The following IFT43 variants were observed in gnomAD, a reference collection of about 807,000 sequenced individuals.
The protein encoded by IFT43 is intraflagellar transport protein 43 homolog.
Under a neutral mutation model 32.3 loss-of-function variants are expected in IFT43, and 33 were observed. The ratio of observed to expected loss-of-function variants is 1.02; its 90% CI spans 0.77 to 1.37. The LOEUF (loss-of-function observed/expected upper bound fraction) is 1.37. IFT43 is among the 40% of genes most tolerant of loss of function. The probability of loss-of-function intolerance (pLI) is 0.00; values close to 1 mark genes in which losing one functional copy is unlikely to be tolerated. For missense variants in IFT43, 274 were observed against 265.9 expected (o/e 1.03, Z -0.21); for synonymous variants, 93 against 98.2 (o/e 0.95, Z 0.31).
intron 2 of IFT43, among the ~76,000 whole-genome samples, chr14:76,020,648 G>A (rs940757827): frequency 2.6e-5 from 4 of 152,274 alleles, no homozygotes; most frequent in Middle Eastern, 3.4e-3. Context: ...GTATCTATGG[G>A]TTCTTTAGTG....
At chr14:76,082,474 G>C in intron 6 of IFT43, 107 bp downstream of exon 6, 1 of 1,200,690 alleles carries the variant, frequency 8.3e-7, no homozygotes, top group Non-Finnish European at 1.2e-6. Flanking sequence ...TTCTGGTGTT[G>C]GGCTCCATCC....
Position 76,076,972 on chromosome 14 carries a change from A to G in IFT43, c.296-5323A>G, listed in dbSNP as rs530064197. Among the ~76,000 whole-genome samples, 125 of 152,056 alleles carry G rather than the reference A, an allele frequency of 8.2e-4. 3 individuals carry two copies. The highest frequency in any genetic ancestry group is 5.8e-3 in the South Asian group (28 of 4,812). ...TTGGGTAGATGTGTTGGGTGTCGGC[A>G]GAGTAGTGATCTAGTATCAAAATGG... On this transcript the variant is annotated intron_variant, in intron 5 of 8. Transcript: ENST00000314067.
At chr14:76,063,421 TA>T (rs1439408302) in intron 5 of IFT43, among the ~76,000 whole-genome samples, 1 of 152,232 alleles carries the variant, frequency 6.6e-6, no homozygotes, top group Non-Finnish European at 1.5e-5. Context: ...ACTTTGCTTC[TA>T]AAATTCCAGC....
intron 2 of IFT43, among the ~76,000 whole-genome samples, chr14:76,009,904 C>T (rs187699454): frequency 6.6e-6 from 1 of 152,256 alleles, no homozygotes; most frequent in East Asian, 1.9e-4. Context: ...CAGCGATTCT[C>T]ATGCCTCAGC....
intron 3 of IFT43, among the ~76,000 whole-genome samples, chr14:76,045,580 C>G (rs1165964143): frequency 6.6e-6 from 1 of 152,194 alleles, no homozygotes; most frequent in African/African-American, 2.4e-5. Context: ...TAGGCACCCC[C>G]AGAGCCAGGA....
chr14:76,080,473 A>G (rs2140096156), intron 5 of IFT43, among the ~76,000 whole-genome samples: 1 of 152,354 alleles, frequency 6.6e-6, no homozygotes, highest in Admixed American at 6.5e-5. Context: ...CAGAGTTGAC[A>G]GGACCCAAAT....
intron 5 of IFT43, among the ~76,000 whole-genome samples, chr14:76,065,579 T>C (rs142085569): frequency 3.1e-4 from 47 of 152,196 alleles, no homozygotes; most frequent in African/African-American, 1.1e-3. Flanking sequence ...TAGAATTTTA[T>C]ATAAATGACA....
At chr14:76,016,374 G>A (rs2036188767) in intron 2 of IFT43, among the ~76,000 whole-genome samples, 1 of 152,026 alleles carries the variant, frequency 6.6e-6, no homozygotes, top group African/African-American at 2.4e-5. Flanking sequence ...GAAATACATG[G>A]ATTTATTCCT....
intron 3 of IFT43, among the ~76,000 whole-genome samples, chr14:76,030,232 C>A (rs1566715954): frequency 7.9e-6 from 1 of 125,902 alleles, no homozygotes; most frequent in Non-Finnish European, 1.9e-5. Context: ...TCCATCATCA[C>A]AGTTTTTTTT....
chr14:76,029,372 G>T (rs1289285394), intron 3 of IFT43, among the ~76,000 whole-genome samples: 1 of 152,110 alleles, frequency 6.6e-6, no homozygotes, highest in Non-Finnish European at 1.5e-5. Context: ...TCCTTTGTCA[G>T]ATGCATAGTT....
chr14:76,006,000 T>A (rs1310728803), intron 2 of IFT43, among the ~76,000 whole-genome samples: 1 of 151,718 alleles, frequency 6.6e-6, no homozygotes, highest in Non-Finnish European at 1.5e-5. Context: ...GAGAAAAGAA[T>A]GAGAGTGATT....
intron 5 of IFT43, among the ~76,000 whole-genome samples, chr14:76,080,601 G>C (rs747922304): frequency 6.6e-6 from 1 of 152,102 alleles, no homozygotes; most frequent in Admixed American, 6.5e-5. Context: ...TTCTGCACCC[G>C]AGGAGAGCCA....
chr14:76,026,296 C>T (rs1049312225), intron 3 of IFT43, among the ~76,000 whole-genome samples: 10 of 152,100 alleles, frequency 6.6e-5, no homozygotes, highest in African/African-American at 9.7e-5. Flanking sequence ...TGGTGGCTCA[C>T]GCCTGTAATC....
At chr14:76,077,590 T>G (rs2037433664) in intron 5 of IFT43, among the ~76,000 whole-genome samples, 1 of 152,158 alleles carries the variant, frequency 6.6e-6, no homozygotes, top group African/African-American at 2.4e-5. Context: ...TACAAGGTAG[T>G]GAGGGCTACC....
chr14:76,048,584 AGGTT>A (rs1427940930), intron 3 of IFT43, among the ~76,000 whole-genome samples: 2 of 152,218 alleles, frequency 1.3e-5, no homozygotes, highest in Non-Finnish European at 2.9e-5. Context: ...TAGATGAAAC[AGGTT>A]GGGCACACAT....
chr14:76,058,151 A>C (rs2037058400), intron 3 of IFT43: 1 of 218,842 alleles, frequency 4.6e-6, no homozygotes, highest in Admixed American at 5.3e-5. Flanking sequence ...ACCATCACTC[A>C]GAAGGTCCTC....
Position 75,986,172 on chromosome 14 carries a change from A to G in IFT43, c.54+332A>G, listed in dbSNP as rs138832013. 5.3e-3 allele frequency: 7,055 copies of G among 1,336,394 alleles called. 166 individuals carry two copies. Among genetic ancestry groups the G allele is most frequent in the African/African-American group, 0.051 (3,486 of 67,786 alleles). 82.8% of individuals were successfully genotyped at this position (1,336,394 alleles called of 1,614,324 possible). ...CAGAACAGATCGATCACAGGGTGAT[A>G]GGGGAGCCCCGGCCGGGGTCGCACT... On this transcript the variant is annotated intron_variant, in intron 1 of 8. Transcript: ENST00000314067.
chr14:75,994,151 T>TA (rs746274501), intron 2 of IFT43, among the ~76,000 whole-genome samples: 4 of 151,664 alleles, frequency 2.6e-5, no homozygotes, highest in Non-Finnish European at 4.4e-5. Context: ...TATTTTAGCT[T>TA]AAAAAAAATG....
intron 3 of IFT43, among the ~76,000 whole-genome samples, chr14:76,041,549 GT>G (rs1284921679): frequency 6.6e-6 from 1 of 152,178 alleles, no homozygotes; most frequent in African/African-American, 2.4e-5. Flanking sequence ...CACTGATTCT[GT>G]TTTTTAATAA....
Sources: allele counts gnomAD v4.1 joint callset (sites outside exome capture counted in the v4.1 genomes callset), GRCh38; gene constraint gnomAD v4.1.1; transcripts MANE v1.5; gene names NCBI Gene and HGNC (gene_info 2026-07-23, HGNC 2026-07-21).